The following NMBR variants were observed in gnomAD, a reference collection of about 807,000 sequenced individuals.
The protein encoded by NMBR is neuromedin B receptor.
Under a neutral mutation model 20.5 loss-of-function variants are expected in NMBR, and 16 were observed. The ratio of observed to expected loss-of-function variants is 0.78; its 90% CI spans 0.53 to 1.19. NMBR has a LOEUF of 1.19. Ranked by LOEUF, NMBR falls within the 50% of genes most tolerant of loss-of-function variation. The pLI, the probability that NMBR is intolerant of heterozygous loss-of-function variation, is 0.00. For missense variants in NMBR, 582 were observed against 499.1 expected (o/e 1.17, Z -1.58); for synonymous variants, 212 against 196.6 (o/e 1.08, Z -0.65).
intron 1 of NMBR, among the ~76,000 whole-genome samples, chr6:142,137,809 G>A (rs532344033): frequency 2.5e-4 from 38 of 152,038 alleles, no homozygotes; most frequent in East Asian, 1.9e-3. Context: ...ATTGATTTGC[G>A]CATATTGAAC....
intron 1 of NMBR, among the ~76,000 whole-genome samples, chr6:142,094,034 TA>T (rs1777392406): frequency 1.3e-5 from 2 of 152,012 alleles, no homozygotes; most frequent in South Asian, 4.1e-4. Context: ...GAGTTCATTG[TA>T]GATTCTGGAT....
intron 2 of NMBR, among the ~76,000 whole-genome samples, chr6:142,083,189 T>G (rs954891354): frequency 6.6e-6 from 1 of 152,212 alleles, no homozygotes; most frequent in African/African-American, 2.4e-5. Flanking sequence ...TCAAATAACA[T>G]TTATTTAACA....
intron 1 of NMBR, among the ~76,000 whole-genome samples, chr6:142,135,569 T>C (rs1453363499): frequency 1.3e-5 from 2 of 151,654 alleles, no homozygotes; most frequent in African/African-American, 4.8e-5. Context: ...TATGTATACA[T>C]GTGCCATGCT....
chr6:142,129,757 G>A (rs1428303578), intron 1 of NMBR, among the ~76,000 whole-genome samples: 2 of 152,098 alleles, frequency 1.3e-5, no homozygotes, highest in African/African-American at 4.8e-5. Flanking sequence ...GTATAACAAG[G>A]AGACCATAGT....
At chr6:142,135,128 C>T (rs1051409016) in intron 1 of NMBR, 38 of 287,966 alleles carry the variant, frequency 1.3e-4, no homozygotes, top group African/African-American at 6.9e-4. Flanking sequence ...AAAATATACA[C>T]AGAACTACTG....
At chr6:142,128,160 T>TTC (rs1334316212) in intron 1 of NMBR, among the ~76,000 whole-genome samples, 1 of 151,984 alleles carries the variant, frequency 6.6e-6, no homozygotes, top group Non-Finnish European at 1.5e-5. Flanking sequence ...TCCCCACGCT[T>TTC]TCTCTCTCTC....
intron 1 of NMBR, among the ~76,000 whole-genome samples, chr6:142,129,486 G>T (rs560530212): frequency 4.6e-5 from 7 of 152,004 alleles, no homozygotes; most frequent in African/African-American, 1.7e-4. Context: ...AGTCTTTCTG[G>T]GGTTCACTCC....
intron 3 of NMBR, among the ~76,000 whole-genome samples, chr6:142,076,943 T>C (rs1426541386): frequency 6.6e-6 from 1 of 152,136 alleles, no homozygotes; most frequent in African/African-American, 2.4e-5. Context: ...GATTGGAACA[T>C]ATCTGATGGT....
chr6:142,085,344 T>G (rs1777180039), intron 2 of NMBR, among the ~76,000 whole-genome samples: 1 of 152,114 alleles, frequency 6.6e-6, no homozygotes, highest in African/African-American at 2.4e-5. Flanking sequence ...GCCAACATGG[T>G]GAAACCCTGT....
At chr6:142,104,861 T>A (rs1777630662) in intron 1 of NMBR, among the ~76,000 whole-genome samples, 1 of 152,226 alleles carries the variant, frequency 6.6e-6, no homozygotes, top group Non-Finnish European at 1.5e-5. Flanking sequence ...TTTAATCACC[T>A]GGGTGAAGGC....
chr6:142,077,208 T>C (rs1776968323), intron 3 of NMBR, among the ~76,000 whole-genome samples: 1 of 152,216 alleles, frequency 6.6e-6, no homozygotes. Context: ...GCTGTTGGCA[T>C]TGAGATTATT....
chr6:142,140,043 T>A (rs895814153), intron 1 of NMBR, among the ~76,000 whole-genome samples: 6 of 152,226 alleles, frequency 3.9e-5, no homozygotes, highest in South Asian at 2.1e-4. Flanking sequence ...CTATGAGATA[T>A]GAGCAAATTC....
In NMBR at chr6:142,135,445, A is replaced by G. The variant is rs530106423; in HGVS notation, c.-664+11599T>C. 1.1e-4 allele frequency among the ~76,000 whole-genome samples: 17 copies of G among 152,272 alleles called. No homozygotes were observed. The South Asian group carries it at 3.3e-3, about 30-fold the overall frequency. On this transcript the variant is annotated intron_variant, in intron 1 of 3. Transcript: ENST00000258042. ...ACATAGTTTGACCATTAACTTGAAG[A>G]AATTGAACAATTACATTTTTAAAAT...
At chr6:142,097,610 T>A (rs897550069) in intron 1 of NMBR, among the ~76,000 whole-genome samples, 3 of 152,110 alleles carry the variant, frequency 2.0e-5, no homozygotes, top group Admixed American at 6.6e-5. Context: ...GGGCTGTCTG[T>A]GATGTTTAAA....
Position 142,086,312 on chromosome 6 carries a change from C to CA in NMBR, c.422+1924dup, listed in dbSNP as rs1003890031. Among the ~76,000 whole-genome samples, 8 of 152,070 alleles carry CA rather than the reference C, an allele frequency of 5.3e-5. No homozygotes were observed. In the East Asian group the frequency reaches 5.8e-4, roughly 11 times the overall value. On this transcript the variant is annotated intron_variant, in intron 2 of 3. Coordinates refer to ENST00000258042, the MANE Select transcript of NMBR (RefSeq NM_002511.4). ...GCATTGTGAGGGTTGAAAAATTACA[C>CA]AAAAAAAGTTAGCACTGTGCTAAGC...
At chr6:142,087,440 T>TC (rs1434979425) in intron 2 of NMBR, among the ~76,000 whole-genome samples, 1 of 152,160 alleles carries the variant, frequency 6.6e-6, no homozygotes, top group Non-Finnish European at 1.5e-5. Flanking sequence ...GGACCCTGAG[T>TC]CAGGAGACTT....
intron 1 of NMBR, among the ~76,000 whole-genome samples, chr6:142,099,641 C>T (rs916555642): frequency 7.9e-5 from 12 of 151,928 alleles, no homozygotes; most frequent in African/African-American, 2.9e-4. Flanking sequence ...TTGGGTATAT[C>T]GATGACTCTT....
rs150316621 is a variant in NMBR at position 142,107,563 on chromosome 6, A to T, written c.-663-18242T>A. ...GGTTGAACATTGTGGGAAAAAATAG[A>T]CATTATTGAAATGGTACACCTTGTT... is the stretch of plus-strand genomic sequence containing the variant. On this transcript the variant is annotated intron_variant, in intron 1 of 3. Coordinates refer to ENST00000258042, the MANE Select transcript of NMBR (RefSeq NM_002511.4). Among the ~76,000 whole-genome samples the T allele has an allele frequency of 7.0e-3, 1,066 of 152,310 alleles. 17 individuals are homozygous for T. The highest frequency in any genetic ancestry group is 0.024 in the African/African-American group (1,016 of 41,572).
At chr6:142,106,359 C>T (rs1777662156) in intron 1 of NMBR, among the ~76,000 whole-genome samples, 1 of 152,134 alleles carries the variant, frequency 6.6e-6, no homozygotes, top group Non-Finnish European at 1.5e-5. Context: ...ATCATGTCCA[C>T]CTATCCAGAC....
Sources: gnomAD v4.1 joint callset for allele counts (sites outside exome capture counted in the v4.1 genomes callset) on GRCh38, gnomAD v4.1.1 for gene constraint, MANE v1.5 for transcripts, NCBI Gene and HGNC (gene_info 2026-07-23, HGNC 2026-07-21) for gene names.